CACNA1I: variants seen among roughly 807,000 people sequenced by gnomAD.
The protein encoded by CACNA1I is calcium voltage-gated channel subunit alpha1 I.
Under a neutral mutation model 201.6 loss-of-function variants are expected in CACNA1I, and 74 were observed. That is an observed-to-expected ratio of 0.37 (90% confidence interval 0.30 to 0.45). CACNA1I has a LOEUF of 0.45. CACNA1I is among the 20% of genes least tolerant of loss of function. CACNA1I has a pLI of 1.00. For missense variants in CACNA1I, 2,346 were observed against 3,138.1 expected (o/e 0.75, Z 6.03); for synonymous variants, 1,431 against 1,345.2 (o/e 1.06, Z -1.40).
chr22:39,683,166 C>G (rs1257863475), intron 35 of CACNA1I, among the ~76,000 whole-genome samples: 1 of 152,198 alleles, frequency 6.6e-6, no homozygotes, highest in Non-Finnish European at 1.5e-5. Context: ...ATGCTTTGGG[C>G]CTGTGGCTGG....
Position 39,620,011 on chromosome 22 carries a change from C to CCA in CACNA1I, c.580+604_580+605insCA, listed in dbSNP as rs1485008947. 6.1e-3 allele frequency among the ~76,000 whole-genome samples: 845 copies of CCA among 138,408 alleles called. 8 individuals carry two copies. Among genetic ancestry groups the CCA allele is most frequent in the African/African-American group, 0.021 (772 of 36,020 alleles). 90.8% of individuals were successfully genotyped at this position (138,408 alleles called of 152,430 possible). The stretch of plus-strand genomic sequence containing the variant: ...TCTACCTGTCCACCCATCCACCTGT[C>CCA]TATCCATCCATCCATCCATCCATCC... On this transcript the variant is annotated intron_variant, in intron 4 of 36. Coordinates refer to ENST00000402142, the MANE Select transcript of CACNA1I (RefSeq NM_021096.4).
rs1313166361 is a variant in CACNA1I at position 39,687,937 on chromosome 22, G to C, written c.*1532G>C. ...CAGGGGCCACGAGTTTGCAGATGCT[G>C]TACTTCAGCAATAACCTTGCCTTTG... On this transcript the variant is annotated 3_prime_UTR_variant, in exon 37 of 37. Transcript: ENST00000402142. 1.3e-5 allele frequency: 2 copies of C among 152,222 alleles called. No individual in the cohort carries two copies. The highest frequency in any genetic ancestry group is 2.9e-5 in the Non-Finnish European group (2 of 68,042). The allele number at this position is 152,222 out of a possible 1,614,324, so 9.4% of individuals were successfully genotyped here. A position where few individuals can be genotyped will look rare whatever the true frequency, so the allele number is the denominator to read the frequency against.
At chr22:39,598,383 C>A in intron 2 of CACNA1I, 121 bp downstream of exon 2, 1 of 632,764 alleles carries the variant, frequency 1.6e-6, no homozygotes, top group Non-Finnish European at 2.9e-6. Flanking sequence ...CCATGCCCCG[C>A]CCCGCTCCGT....
rs1934009149 is a variant in CACNA1I, at chr22:39,629,889, C to A, written c.581-4676C>A. Among the ~76,000 whole-genome samples the A allele has an allele frequency of 6.6e-6, 1 of 152,164 alleles. No homozygotes were observed. The highest frequency in any genetic ancestry group is 2.1e-4 in the South Asian group (1 of 4,836). On this transcript the variant is annotated intron_variant, in intron 4 of 36. Coordinates refer to ENST00000402142, the MANE Select transcript of CACNA1I (RefSeq NM_021096.4). This position sits in a 1 kb window ranked among gnomAD's most constrained non-coding sequence, Gnocchi z 4.8. ...TGGCCCCCCGCGATCCATTCTCCAC[C>A]CAGCAGCCCAGCAATCCTCTCACCC...
In CACNA1I at chr22:39,686,149, C is replaced by A. The variant is rs764533619; in HGVS notation, c.6416C>A (p.Pro2139Gln). The A allele has an allele frequency of 2.4e-6, 3 of 1,275,252 alleles. No homozygotes were observed. The highest frequency in any genetic ancestry group is 3.7e-5 in the Admixed American group (1 of 27,052). The allele number at this position is 1,275,252 out of a possible 1,614,324, so 79.0% of individuals were successfully genotyped here. Reference sequence around the variant, plus strand: ...TCGCTCACCTCCCTCTTCTGCCCGCCGCCCCCGCCGCCAGCCCCCGGCCTC... The same window carrying A: ...TCGCTCACCTCCCTCTTCTGCCCGCAGCCCCCGCCGCCAGCCCCCGGCCTC... ...SLSLTSLFCPPPPPPAPGLTP... is the reference protein window; with the variant it reads ...SLSLTSLFCPQPPPPAPGLTP... The change falls in exon 37 of 37, where the codon CCG becomes CAG. Residue 2139 changes from proline (P) to glutamine (Q), a missense_variant. This residue lies in a region of CACNA1I where 187 missense variants were observed against 151.0 expected (regional missense o/e 1.24). Coordinates refer to ENST00000402142, the MANE Select transcript of CACNA1I (RefSeq NM_021096.4).
At chr22:39,669,060 G>C (rs1293866790) in intron 24 of CACNA1I, among the ~76,000 whole-genome samples, 1 of 152,112 alleles carries the variant, frequency 6.6e-6, no homozygotes, top group Non-Finnish European at 1.5e-5. Context: ...GTCCCTCTGG[G>C]GCTAGGCGGG....
chr22:39,664,945 A>T, intron 21 of CACNA1I, 22 bp downstream of exon 21: 2 of 1,606,268 alleles, frequency 1.2e-6, no homozygotes, highest in Non-Finnish European at 1.7e-6. Flanking sequence ...TCCTGGGCGG[A>T]TGGGGGAAAG....
In CACNA1I at chr22:39,577,946, G is replaced by A. The variant is rs544911226; in HGVS notation, c.236+6958G>A. Among the ~76,000 whole-genome samples, 4 of 152,356 alleles carry A rather than the reference G, an allele frequency of 2.6e-5. No individual in the cohort carries two copies. The East Asian group carries it at 7.7e-4, about 29-fold the overall frequency. ...ATGGGGGCCACAGTGACCCCCAGTT[G>A]GGGATATTAAGGGGGATCCAATGAG... On this transcript the variant is annotated intron_variant, in intron 1 of 36. Coordinates refer to ENST00000402142, the MANE Select transcript of CACNA1I (RefSeq NM_021096.4).
chr22:39,597,671 C>T (rs1034831317), intron 1 of CACNA1I, among the ~76,000 whole-genome samples: 1 of 152,220 alleles, frequency 6.6e-6, no homozygotes, highest in Admixed American at 6.5e-5. Flanking sequence ...AAGGACGGGG[C>T]CATCCAGCCA....
At chr22:39,623,144 C>T (rs1028490258) in intron 4 of CACNA1I, among the ~76,000 whole-genome samples, 2 of 152,126 alleles carry the variant, frequency 1.3e-5, no homozygotes, top group Admixed American at 6.5e-5. Flanking sequence ...TCTTGCCAGG[C>T]GGGCTTCTCT....
At position 39,684,418 on chromosome 22, in the gene CACNA1I, G is replaced by A; in HGVS notation, c.5947G>A (p.Gly1983Arg). The A allele has an allele frequency of 6.2e-7, 1 of 1,613,628 alleles. No individual in the cohort carries two copies. Among genetic ancestry groups the A allele is most frequent in the Non-Finnish European group, 8.5e-7 (1 of 1,179,896 alleles). ...AGGCCCAGAAAAGGGCACTGGCACT[G>A]GAACCCTCCCCAAGATTGCGCTGCA... The part of the protein sequence containing the change: ...QKGPEKGTGT[G>R]TLPKIALQGS... Residue 1983 changes from glycine to arginine, a missense_variant, in exon 36 of 37, where the codon GGA becomes AGA. Around this residue, in one of 13 missense-constraint regions of CACNA1I, gnomAD observed 441 missense variants for 555.6 expected, o/e 0.79. Coordinates refer to ENST00000402142, the MANE Select transcript of CACNA1I (RefSeq NM_021096.4). The surrounding 1 kb of genome is among the most constrained non-coding windows in gnomAD (Gnocchi z 4.6).
intron 10 of CACNA1I, among the ~76,000 whole-genome samples, chr22:39,657,772 C>T (rs945376103): frequency 1.2e-4 from 18 of 152,256 alleles, no homozygotes; most frequent in East Asian, 5.8e-4. Context: ...CGTCTAGCGA[C>T]GCCTGTCCTG....
Position 39,668,329 on chromosome 22 carries a change from G to T in CACNA1I, c.4142G>T (p.Gly1381Val), listed in dbSNP as rs1296469640. ...MSLFVLASKD[G>V]WVNIMYNGLD... Reference sequence around the variant, plus strand: ...CTCTTTGTCCTGGCATCCAAGGATGGTTGGGTGAACATCATGTACAATGGA... The same window carrying T: ...CTCTTTGTCCTGGCATCCAAGGATGTTTGGGTGAACATCATGTACAATGGA... The change falls in exon 24 of 37, where the codon GGT becomes GTT. Residue 1381 changes from glycine to valine, a missense_variant. By Grantham distance (109) the Gly-to-Val change is moderately radical (BLOSUM62 -3). Around this residue, in one of 13 missense-constraint regions of CACNA1I, gnomAD observed 228 missense variants for 395.7 expected, o/e 0.58. Transcript: ENST00000402142. 1 of 1,613,694 alleles carries T rather than the reference G, an allele frequency of 6.2e-7. No homozygotes were observed. The highest frequency in any genetic ancestry group is 8.5e-7 in the Non-Finnish European group (1 of 1,179,692).
intron 10 of CACNA1I, among the ~76,000 whole-genome samples, chr22:39,652,773 T>C (rs1476629183): frequency 6.6e-6 from 1 of 152,126 alleles, no homozygotes; most frequent in Admixed American, 6.5e-5. Context: ...AGTGTGGTGG[T>C]GCATGTCTGT....
chr22:39,590,799 C>T (rs746743827), intron 1 of CACNA1I, among the ~76,000 whole-genome samples: 1 of 152,172 alleles, frequency 6.6e-6, no homozygotes, highest in Non-Finnish European at 1.5e-5. Flanking sequence ...GCTGATGTTG[C>T]AGGGTGACCC....
At chr22:39,590,063 G>T (rs907515826) in intron 1 of CACNA1I, among the ~76,000 whole-genome samples, 1 of 152,118 alleles carries the variant, frequency 6.6e-6, no homozygotes, top group Non-Finnish European at 1.5e-5. Context: ...TAACCATGCA[G>T]GCCTCTGGCT....
At position 39,679,806 on chromosome 22, in the gene CACNA1I, T is replaced by A. The variant is rs767947793; in HGVS notation, c.5479T>A (p.Ser1827Thr). 2 of 1,613,064 alleles carry A rather than the reference T, an allele frequency of 1.2e-6. No individual in the cohort carries two copies. The highest frequency in any genetic ancestry group is 2.2e-5 in the South Asian group (2 of 90,880). The change falls in exon 33 of 37, where the codon TCC becomes ACC. Residue 1827 changes from serine (S) to threonine (T), a missense_variant. This residue lies in a region of CACNA1I where 441 missense variants were observed against 555.6 expected (regional missense o/e 0.79). Coordinates refer to ENST00000402142, the MANE Select transcript of CACNA1I (RefSeq NM_021096.4). ...ELTIIDNLSG[S>T]IFHHYSSPAG... The stretch of plus-strand genomic sequence containing the variant: ...GACCATCATCGACAACCTGTCGGGC[T>A]CCATCTTCCACCACTACTCCTCGCC...
rs2146445448 is a variant in CACNA1I at position 39,659,197 on chromosome 22, C to A, written c.2330+81C>A. ...AGCCTGGGGGATGTGGTCCACTGTGCTTCTCTGGACAAAGCCACCTGGACC... is the reference window on the plus strand; with the variant it reads ...AGCCTGGGGGATGTGGTCCACTGTGATTCTCTGGACAAAGCCACCTGGACC... On this transcript the variant is annotated intron_variant, in intron 12 of 36. Transcript: ENST00000402142. This position sits in a 1 kb window ranked among gnomAD's most constrained non-coding sequence, Gnocchi z 4.3. The A allele has an allele frequency of 6.5e-7, 1 of 1,539,484 alleles. No individual in the cohort carries two copies. Among genetic ancestry groups the A allele is most frequent in the Non-Finnish European group, 8.8e-7 (1 of 1,133,668 alleles).
At chr22:39,601,877 CT>C (rs1933050898) in intron 3 of CACNA1I, among the ~76,000 whole-genome samples, 1 of 34,134 alleles carries the variant, frequency 2.9e-5, no homozygotes, top group African/African-American at 1.3e-4. Flanking sequence ...TTCCTTCCTT[CT>C]CTCTCTTTCT....
Sources: allele counts gnomAD v4.1 joint callset (sites outside exome capture counted in the v4.1 genomes callset), GRCh38; gene constraint gnomAD v4.1.1; regional missense constraint gnomAD v4.1.1; non-coding constraint Gnocchi (gnomAD v3.1); transcripts MANE v1.5; gene names NCBI Gene and HGNC (gene_info 2026-07-23, HGNC 2026-07-21).